GNG2: variants seen among roughly 807,000 people sequenced by gnomAD.
The protein encoded by GNG2 is G protein subunit gamma 2.
In GNG2, 5 loss-of-function variants were observed where a neutral mutation model predicts 5.5. The observed-to-expected ratio is 0.91, with a 90% CI of 0.48 to 1.92. The LOEUF is 1.92. GNG2 is among the 30% of genes most tolerant of loss of function. The pLI is 0.01. For missense variants in GNG2, 55 were observed against 88.4 expected (o/e 0.62, Z 1.52); for synonymous variants, 28 against 32.0 (o/e 0.88, Z 0.42).
chr14:51,826,236 G>T (rs1881026738), intron 1 of GNG2: 1 of 152,168 alleles, frequency 6.6e-6, no homozygotes, highest in African/African-American at 2.4e-5. Flanking sequence ...TGAAGGTACT[G>T]TGGCCCTTCC....
At chr14:51,915,660 C>T (rs1013489061) in intron 2 of GNG2, among the ~76,000 whole-genome samples, 1 of 152,154 alleles carries the variant, frequency 6.6e-6, no homozygotes, top group African/African-American at 2.4e-5. Context: ...AAACGATTTC[C>T]CCACAACAGA....
chr14:51,952,722 G>C (rs1889059694), intron 3 of GNG2, among the ~76,000 whole-genome samples: 1 of 152,182 alleles, frequency 6.6e-6, no homozygotes, highest in Non-Finnish European at 1.5e-5. Context: ...TTCAGAAATA[G>C]TTTAGACTTT....
chr14:51,919,503 T>C (rs2140221822), intron 2 of GNG2, among the ~76,000 whole-genome samples: 1 of 152,346 alleles, frequency 6.6e-6, no homozygotes, highest in South Asian at 2.1e-4. Context: ...CCAGCTCACA[T>C]ACTATGAGTT....
chr14:51,831,470 G>T (rs528076153), intron 2 of GNG2, among the ~76,000 whole-genome samples: 1 of 152,230 alleles, frequency 6.6e-6, no homozygotes, highest in Non-Finnish European at 1.5e-5. Flanking sequence ...GAAAAGGACA[G>T]CAAGGGGGAC....
At chr14:51,911,060 C>A (rs752119463) in intron 2 of GNG2, among the ~76,000 whole-genome samples, 1 of 152,126 alleles carries the variant, frequency 6.6e-6, no homozygotes, top group Non-Finnish European at 1.5e-5. Context: ...GAACTGTGCT[C>A]CTAGCTCAGA....
chr14:51,941,070 TTAG>T lies in GNG2; in HGVS notation c.-29-9574_-29-9572del, dbSNP rs1273609516. ...TATGTTGTGTGTATATATACATCAT[TTAG>T]TAGTATATAATATAGCATATGTTAG... On this transcript the variant is annotated intron_variant, in intron 2 of 3. Coordinates refer to ENST00000556766, the MANE Select transcript of GNG2 (RefSeq NM_053064.5). 3.9e-5 allele frequency among the ~76,000 whole-genome samples: 6 copies of T among 152,078 alleles called. 1 individual carries two copies. The East Asian group carries it at 5.8e-4, about 15-fold the overall frequency.
chr14:51,851,943 G>A (rs945505398), intron 2 of GNG2, among the ~76,000 whole-genome samples: 9 of 152,198 alleles, frequency 5.9e-5, no homozygotes, highest in Non-Finnish European at 4.4e-5. Flanking sequence ...TGCACCAAGT[G>A]TGTTGCTGGA....
intron 1 of GNG2, among the ~76,000 whole-genome samples, chr14:51,826,415 G>A (rs969854373): frequency 1.3e-5 from 2 of 152,218 alleles, no homozygotes; most frequent in Non-Finnish European, 2.9e-5. Context: ...GTTGGAGGAT[G>A]TGCATAGATT....
chr14:51,961,068 G>C (rs7159454), intron 3 of GNG2, among the ~76,000 whole-genome samples: 13,634 of 152,206 alleles, frequency 0.09, 1,195 homozygotes, highest in East Asian at 0.38. Flanking sequence ...TCCCTGTGCA[G>C]TGGCAGGCAG....
intron 3 of GNG2, among the ~76,000 whole-genome samples, chr14:51,964,106 G>A (rs1889766666): frequency 6.6e-6 from 1 of 152,148 alleles, no homozygotes; most frequent in African/African-American, 2.4e-5. Flanking sequence ...AGAGGAGAAT[G>A]CCACATAAAG....
rs1324907645 is a variant in GNG2, at chr14:51,969,021, T to C, written c.*2334T>C. Reference sequence around the variant, plus strand: ...TATAATACGAAAATCTTTATATGAGTTTTGGCTTCTTGGTATTTGTACTTA... The same window carrying C: ...TATAATACGAAAATCTTTATATGAGCTTTGGCTTCTTGGTATTTGTACTTA... On this transcript the variant is annotated 3_prime_UTR_variant, in exon 4 of 4. Transcript: ENST00000556766. The C allele has an allele frequency of 6.6e-6, 1 of 152,178 alleles. No homozygotes were observed. Among genetic ancestry groups the C allele is most frequent in the Non-Finnish European group, 1.5e-5 (1 of 68,024 alleles). The allele number at this position is 152,178 out of a possible 1,614,324, so 9.4% of individuals were successfully genotyped here.
intron 1 of GNG2, chr14:51,873,747 T>A (rs1475126532): frequency 6.6e-6 from 1 of 152,262 alleles, no homozygotes. Flanking sequence ...CAAATGCTGC[T>A]GATGAACATT....
intron 2 of GNG2, among the ~76,000 whole-genome samples, chr14:51,908,631 G>A (rs1011193606): frequency 6.7e-5 from 10 of 150,260 alleles, no homozygotes; most frequent in African/African-American, 9.7e-5. Flanking sequence ...GGGCAGTGGC[G>A]CGATCTCGGC....
intron 2 of GNG2, among the ~76,000 whole-genome samples, chr14:51,948,571 A>G (rs138584269): frequency 1.0e-3 from 159 of 152,344 alleles, no homozygotes; most frequent in African/African-American, 3.7e-3. Context: ...TCTTGGCCCT[A>G]TGAAGTCTTC....
intron 2 of GNG2, among the ~76,000 whole-genome samples, chr14:51,944,361 G>C (rs1888521269): frequency 6.6e-6 from 1 of 152,136 alleles, no homozygotes; most frequent in Admixed American, 6.5e-5. Context: ...TTTTTTTGCT[G>C]TTTACTCACA....
chr14:51,860,935 G>C (rs1882432589), intron 1 of GNG2, 145 bp downstream of exon 1: 1 of 152,192 alleles, frequency 6.6e-6, no homozygotes, highest in African/African-American at 2.4e-5. Flanking sequence ...AAGGGTCTTT[G>C]AGAATAACCA....
intron 2 of GNG2, among the ~76,000 whole-genome samples, chr14:51,908,110 A>T (rs1247067645): frequency 6.6e-6 from 1 of 152,254 alleles, no homozygotes; most frequent in Non-Finnish European, 1.5e-5. Flanking sequence ...GGTATTAGCC[A>T]GGGCAGCTGT....
At chr14:51,845,138 CTG>C (rs1881586913) in intron 2 of GNG2, among the ~76,000 whole-genome samples, 1 of 152,164 alleles carries the variant, frequency 6.6e-6, no homozygotes, top group African/African-American at 2.4e-5. Flanking sequence ...TCTTAAAAAT[CTG>C]TTTCTCTATG....
At chr14:51,906,581 A>G (rs1484842708) in intron 2 of GNG2, among the ~76,000 whole-genome samples, 3 of 152,186 alleles carry the variant, frequency 2.0e-5, no homozygotes, top group Admixed American at 1.3e-4. Flanking sequence ...ATAAATCTCA[A>G]TACATTATAG....
Sources: gnomAD v4.1 joint callset for allele counts (sites outside exome capture counted in the v4.1 genomes callset) on GRCh38, gnomAD v4.1.1 for gene constraint, MANE v1.5 for transcripts, NCBI Gene and HGNC (gene_info 2026-07-23, HGNC 2026-07-21) for gene names.